The following POU6F2 variants were observed in gnomAD, a reference collection of about 807,000 sequenced individuals.
POU6F2 encodes the protein POU domain, class 6, transcription factor 2.
In POU6F2, 31 loss-of-function variants were observed where a neutral mutation model predicts 71.3. The ratio of observed to expected loss-of-function variants is 0.43; its 90% CI spans 0.33 to 0.59. POU6F2 has a LOEUF of 0.59. Among genes scored for constraint, POU6F2 ranks in the 20% least tolerant of loss-of-function variants. POU6F2 has a pLI of 0.04. For missense variants in POU6F2, 783 were observed against 856.8 expected, an observed-to-expected ratio of 0.91 and a Z score of 1.07; for synonymous variants, 347 against 355.7, an observed-to-expected ratio of 0.98 and a Z score of 0.27.
intron 5 of POU6F2, among the ~76,000 whole-genome samples, chr7:39,369,625 A>G (rs572854382): frequency 2.6e-5 from 4 of 152,070 alleles, no homozygotes; most frequent in Non-Finnish European, 5.9e-5. Flanking sequence ...TGGCCTCCCA[A>G]AGTGCTGGGA....
intron 8 of POU6F2, among the ~76,000 whole-genome samples, chr7:39,453,779 T>G (rs1248364549): frequency 2.0e-5 from 3 of 152,174 alleles, no homozygotes; most frequent in African/African-American, 4.8e-5. Flanking sequence ...GTGAACCATA[T>G]TACATATCCT....
At chr7:39,004,738 G>A (rs1789010037) in intron 1 of POU6F2, among the ~76,000 whole-genome samples, 1 of 152,158 alleles carries the variant, frequency 6.6e-6, no homozygotes, top group Non-Finnish European at 1.5e-5. Context: ...AGAAGTAGTT[G>A]TATTAACAGT....
intron 2 of POU6F2, among the ~76,000 whole-genome samples, chr7:39,166,206 A>G (rs982543047): frequency 2.6e-5 from 4 of 152,234 alleles, no homozygotes; most frequent in African/African-American, 9.6e-5. Context: ...AACCTAAGAC[A>G]TTTTATCACT....
In POU6F2 at chr7:39,382,043, A is replaced by AAATAATAAT. The variant is rs3839694; in HGVS notation, c.973-24540_973-24532dup. Among the ~76,000 whole-genome samples, 135 of 150,402 alleles carry AAATAATAAT rather than the reference A, an allele frequency of 9.0e-4. 2 individuals are homozygous for AAATAATAAT. The East Asian group carries it at 0.011, about 12-fold the overall frequency. On this transcript the variant is annotated intron_variant, in intron 5 of 9. Transcript: ENST00000518318. ...AGCAGTTGAGAATCAACACACAAGC[A>AAATAATAAT]AATAATAATAATAATAATAATAATA...
At chr7:39,405,128 G>T (rs1787395044) in intron 5 of POU6F2, 1 of 152,106 alleles carries the variant, frequency 6.6e-6, no homozygotes, top group African/African-American at 2.4e-5. Flanking sequence ...AATTACTGAA[G>T]AACAGTTGTG....
At chr7:39,117,730 A>C (rs1791960827) in intron 2 of POU6F2, among the ~76,000 whole-genome samples, 3 of 152,142 alleles carry the variant, frequency 2.0e-5, no homozygotes, top group African/African-American at 7.2e-5. Context: ...GTACAGCTGA[A>C]AGTAAGAGGA....
Position 39,463,565 on chromosome 7 carries a change from A to G in POU6F2, c.1659-617A>G, listed in dbSNP as rs17713095. Among the ~76,000 whole-genome samples, 1,272 of 152,314 alleles carry G rather than the reference A, an allele frequency of 8.4e-3. 23 individuals carry two copies. The highest frequency in any genetic ancestry group is 0.062 in the East Asian group (322 of 5,174). On this transcript the variant is annotated intron_variant, in intron 9 of 9. Coordinates refer to ENST00000518318, the MANE Select transcript of POU6F2 (RefSeq NM_001370959.1). ...GAAAAAGGGCATGTTGTTAACTTAC[A>G]TACGGTGAAAATTGTTTGTTCCCAG...
At chr7:39,323,664 T>C in intron 4 of POU6F2, among the ~76,000 whole-genome samples, 1 of 152,192 alleles carries the variant, frequency 6.6e-6, no homozygotes, top group African/African-American at 2.4e-5. Context: ...TATTCCCTTC[T>C]TTAAAAAAAT....
At chr7:39,144,446 T>C (rs1390880394) in intron 2 of POU6F2, among the ~76,000 whole-genome samples, 1 of 152,266 alleles carries the variant, frequency 6.6e-6, no homozygotes, top group East Asian at 1.9e-4. Flanking sequence ...CCTTTCAATA[T>C]GCTATAGTGT....
intron 1 of POU6F2, among the ~76,000 whole-genome samples, chr7:39,026,963 A>G (rs1285949235): frequency 6.6e-6 from 1 of 151,930 alleles, no homozygotes; most frequent in Non-Finnish European, 1.5e-5. Context: ...CTCCTCTGAT[A>G]CTCAGGGATG....
intron 6 of POU6F2, among the ~76,000 whole-genome samples, chr7:39,427,754 G>A (rs557038298): frequency 2.0e-5 from 3 of 152,322 alleles, no homozygotes; most frequent in African/African-American, 7.2e-5. Context: ...CTTTTCTTAC[G>A]TATATGGGCA....
At chr7:39,079,339 C>G (rs939469445) in intron 1 of POU6F2, among the ~76,000 whole-genome samples, 2 of 151,964 alleles carry the variant, frequency 1.3e-5, no homozygotes, top group Non-Finnish European at 2.9e-5. Context: ...CAGGCGCCCG[C>G]AACCACGCCC....
intron 2 of POU6F2, among the ~76,000 whole-genome samples, chr7:39,122,380 C>G (rs923246892): frequency 6.6e-6 from 1 of 152,212 alleles, no homozygotes; most frequent in East Asian, 1.9e-4. Context: ...GAAACTTGGA[C>G]AAGTTAATCT....
intron 1 of POU6F2, among the ~76,000 whole-genome samples, chr7:39,044,236 T>C (rs1790247940): frequency 6.6e-6 from 1 of 152,084 alleles, no homozygotes; most frequent in South Asian, 2.1e-4. Flanking sequence ...CATTTTGTTT[T>C]CCATTTATGA....
intron 4 of POU6F2, among the ~76,000 whole-genome samples, chr7:39,244,576 C>G (rs941095536): frequency 6.6e-6 from 1 of 152,140 alleles, no homozygotes; most frequent in African/African-American, 2.4e-5. Flanking sequence ...CCTAAAATTA[C>G]AATATCATGA....
intron 4 of POU6F2, among the ~76,000 whole-genome samples, chr7:39,258,196 A>G (rs959907637): frequency 6.6e-6 from 1 of 152,218 alleles, no homozygotes; most frequent in Admixed American, 6.5e-5. Flanking sequence ...CTCACAACAG[A>G]AACAGTAGTT....
In POU6F2 at chr7:39,068,491, AT is replaced by A. The variant is rs1278357333; in HGVS notation, c.106-17368del. 2.8e-4 allele frequency among the ~76,000 whole-genome samples: 11 copies of A among 39,180 alleles called. No homozygotes were observed. In the East Asian group the frequency reaches 0.065, roughly 233 times the overall value. The allele number at this position is 39,180 out of a possible 152,430, so 25.7% of individuals were successfully genotyped here. A position where few individuals can be genotyped will look rare whatever the true frequency, so the allele number is the denominator to read the frequency against. On this transcript the variant is annotated intron_variant, in intron 1 of 9. Coordinates refer to ENST00000518318, the MANE Select transcript of POU6F2 (RefSeq NM_001370959.1). ...GATTATATATACACCTAGTACATGC[AT>A]ATATATATATATATAATTTTCATAA... is the stretch of plus-strand genomic sequence containing the variant.
intron 1 of POU6F2, among the ~76,000 whole-genome samples, chr7:39,007,491 C>T (rs1326180733): frequency 3.3e-5 from 5 of 152,172 alleles, no homozygotes; most frequent in African/African-American, 1.2e-4. Context: ...AATTTATCTC[C>T]AGTTTTCTAA....
intron 1 of POU6F2, among the ~76,000 whole-genome samples, chr7:39,054,906 G>C (rs1053094673): frequency 1.3e-5 from 2 of 151,964 alleles, no homozygotes; most frequent in African/African-American, 4.8e-5. Flanking sequence ...AGGTGGAAAA[G>C]GCCAGATCAT....
Sources: allele counts gnomAD v4.1 joint callset (sites outside exome capture counted in the v4.1 genomes callset), GRCh38; gene constraint gnomAD v4.1.1; transcripts MANE v1.5; gene names NCBI Gene and HGNC (gene_info 2026-07-23, HGNC 2026-07-21).